RDH12: variants seen among roughly 807,000 people sequenced by gnomAD.
RDH12 encodes the protein retinol dehydrogenase 12, also known as all-trans and 9-cis retinol dehydrogenase.
RDH12 carries 21 observed loss-of-function variants against 34.0 expected under a neutral mutation model. The observed-to-expected ratio is 0.62, with a 90% CI of 0.44 to 0.89. The LOEUF is 0.89. RDH12 is among the 40% of genes least tolerant of loss of function. The pLI, the probability that RDH12 is intolerant of heterozygous loss-of-function variation, is 0.00. For missense variants in RDH12, 394 were observed against 398.6 expected (o/e 0.99, Z 0.10); for synonymous variants, 198 against 169.9 (o/e 1.17, Z -1.29).
chr14:67,708,282 T>C (rs2037971431), intron 1 of RDH12, among the ~76,000 whole-genome samples: 1 of 152,248 alleles, frequency 6.6e-6, no homozygotes, highest in Non-Finnish European at 1.5e-5. Flanking sequence ...TTTAGTCTTC[T>C]ATCAGTTTAG....
intron 8 of RDH12, among the ~76,000 whole-genome samples, chr14:67,731,689 C>A (rs1156981495): frequency 6.6e-6 from 1 of 151,950 alleles, no homozygotes; most frequent in African/African-American, 2.4e-5. Flanking sequence ...GAATACAAAA[C>A]TATATGATTT....
intron 7 of RDH12, among the ~76,000 whole-genome samples, chr14:67,728,703 T>TA (rs146484340): frequency 7.0e-6 from 1 of 142,154 alleles, no homozygotes; most frequent in Non-Finnish European, 1.5e-5. Context: ...GGATATCTTG[T>TA]GGGGGGGGGG....
At chr14:67,708,781 C>T (rs1301450885) in intron 1 of RDH12, among the ~76,000 whole-genome samples, 1 of 150,130 alleles carries the variant, frequency 6.7e-6, no homozygotes, top group Admixed American at 6.7e-5. Flanking sequence ...TCTAGGGAAC[C>T]TATTAATAAT....
chr14:67,723,435 A>G (rs1056634925), intron 3 of RDH12, among the ~76,000 whole-genome samples: 1 of 152,006 alleles, frequency 6.6e-6, no homozygotes, highest in East Asian at 1.9e-4. Flanking sequence ...GGGTCTCACT[A>G]TGTTGCCCAG....
intron 1 of RDH12, among the ~76,000 whole-genome samples, chr14:67,705,731 TG>T (rs2037943778): frequency 6.6e-6 from 1 of 152,226 alleles, no homozygotes; most frequent in Non-Finnish European, 1.5e-5. Flanking sequence ...AGGAATTTTT[TG>T]TATTATTTTT....
chr14:67,733,182 C>G (rs566255906), intron 8 of RDH12, among the ~76,000 whole-genome samples: 1 of 152,062 alleles, frequency 6.6e-6, no homozygotes, highest in African/African-American at 2.4e-5. Flanking sequence ...GCTCCCACCC[C>G]CTATCCCTCT....
chr14:67,728,920 T>C (rs150068876), intron 7 of RDH12, among the ~76,000 whole-genome samples: 21 of 152,306 alleles, frequency 1.4e-4, no homozygotes, highest in Middle Eastern at 3.4e-3. Context: ...TTAGTAGTAC[T>C]AAAGCCACAG....
chr14:67,709,172 G>C (rs1031041335), intron 1 of RDH12, among the ~76,000 whole-genome samples: 1 of 152,014 alleles, frequency 6.6e-6, no homozygotes, highest in South Asian at 2.1e-4. Context: ...AAATATCAAA[G>C]GTTTAAAACA....
At chr14:67,718,727 C>G (rs2038093017) in intron 1 of RDH12, among the ~76,000 whole-genome samples, 1 of 152,174 alleles carries the variant, frequency 6.6e-6, no homozygotes, top group Admixed American at 6.5e-5. Flanking sequence ...GATTGAAAAT[C>G]CCTAAAGAGC....
At chr14:67,706,408 T>G (rs1218995435) in intron 1 of RDH12, among the ~76,000 whole-genome samples, 1 of 152,214 alleles carries the variant, frequency 6.6e-6, no homozygotes, top group African/African-American at 2.4e-5. Flanking sequence ...TCGGAGGGCC[T>G]GACAACATAT....
At chr14:67,721,795 TTA>T (rs1443082451) in intron 2 of RDH12, among the ~76,000 whole-genome samples, 1 of 150,634 alleles carries the variant, frequency 6.6e-6, no homozygotes, top group African/African-American at 2.4e-5. Context: ...AAACCATATA[TTA>T]TATATATAAT....
intron 3 of RDH12, among the ~76,000 whole-genome samples, chr14:67,724,135 G>T (rs2038156848): frequency 6.6e-6 from 1 of 152,222 alleles, no homozygotes; most frequent in Non-Finnish European, 1.5e-5. Flanking sequence ...AGAGGGGAAA[G>T]CTTTCCTCTG....
chr14:67,732,599 G>C (rs1186518149), intron 8 of RDH12, among the ~76,000 whole-genome samples: 1 of 149,888 alleles, frequency 6.7e-6, no homozygotes, highest in Non-Finnish European at 1.5e-5. Flanking sequence ...TTTTTGAGAC[G>C]GAGTTTCGGT....
At chr14:67,712,493 C>CAAAA (rs79758974) in intron 1 of RDH12, among the ~76,000 whole-genome samples, 38 of 38,914 alleles carry the variant, frequency 9.8e-4, no homozygotes, top group East Asian at 2.7e-3. Context: ...AAAAAACTTG[C>CAAAA]AAAAAAAAAA....
chr14:67,703,459 T>G (rs1843560161), intron 1 of RDH12, among the ~76,000 whole-genome samples: 1 of 152,220 alleles, frequency 6.6e-6, no homozygotes. Context: ...AGTAATACTA[T>G]AAACAGTGAG....
chr14:67,703,937 C>G (rs1466095905), intron 1 of RDH12, among the ~76,000 whole-genome samples: 1 of 152,174 alleles, frequency 6.6e-6, no homozygotes, highest in Non-Finnish European at 1.5e-5. Flanking sequence ...CTCAGCATCC[C>G]AAAGTGCTGG....
intron 1 of RDH12, chr14:67,714,970 A>G (rs1400304406): frequency 1.3e-5 from 2 of 152,306 alleles, no homozygotes; most frequent in African/African-American, 2.4e-5. Context: ...ACACAAACAA[A>G]TTAAAGGCAA....
At position 67,725,123 on chromosome 14, in the gene RDH12, G is replaced by A. The variant is rs138016352; in HGVS notation, c.212G>A (p.Arg71Lys). 2 of 1,614,058 alleles carry A rather than the reference G, an allele frequency of 1.2e-6. No individual in the cohort carries two copies. Among genetic ancestry groups the A allele is most frequent in the African/African-American group, 2.7e-5 (2 of 74,888 alleles). Residue 71 changes from arginine to lysine, a missense_variant, in exon 5 of 9, where the codon AGA (arginine) becomes AAA (lysine). By Grantham distance (26) the Arg-to-Lys change is conservative (BLOSUM62 2). Transcript: ENST00000551171. Reference sequence around the variant, plus strand: ...GGAGCCCGAGTCTATATTGCCTGCAGAGATGTACTGAAGGGGGAGTCTGCT... The same window carrying A: ...GGAGCCCGAGTCTATATTGCCTGCAAAGATGTACTGAAGGGGGAGTCTGCT... ...SRGARVYIAC[R>K]DVLKGESAAS...
chr14:67,708,463 G>C (rs1008883399), intron 1 of RDH12, among the ~76,000 whole-genome samples: 2 of 152,076 alleles, frequency 1.3e-5, no homozygotes, highest in African/African-American at 4.8e-5. Context: ...CACCTTCTAA[G>C]GAGGACCAAA....
Sources: allele counts gnomAD v4.1 joint callset (sites outside exome capture counted in the v4.1 genomes callset), GRCh38; gene constraint gnomAD v4.1.1; transcripts MANE v1.5; gene names NCBI Gene and HGNC (gene_info 2026-07-23, HGNC 2026-07-21).